TTC39C: variants seen among roughly 807,000 people sequenced by gnomAD.
TTC39C encodes tetratricopeptide repeat domain 39C, also known as tetratricopeptide repeat protein 39C.
A neutral mutation model predicts 76.3 loss-of-function variants in TTC39C; 33 were observed. The observed-to-expected ratio is 0.43, with a 90% confidence interval of 0.33 to 0.58. TTC39C has a LOEUF of 0.58. Among genes scored for constraint, TTC39C ranks in the 20% least tolerant of loss-of-function variants. TTC39C has a pLI of 0.04. For synonymous variants in TTC39C, 254 were observed against 260.6 expected, an observed-to-expected ratio of 0.97 and a Z score of 0.24; for missense variants, 595 against 701.4, an observed-to-expected ratio of 0.85 and a Z score of 1.71.
chr18:24,119,220 A>G (rs1599344409), intron 8 of TTC39C, among the ~76,000 whole-genome samples: 1 of 152,212 alleles, frequency 6.6e-6, no homozygotes, highest in African/African-American at 2.4e-5. Context: ...CTAAAAGGCC[A>G]CGTGATTCAG....
chr18:24,026,209 T>A (rs1383934023), intron 1 of TTC39C, among the ~76,000 whole-genome samples: 1 of 152,218 alleles, frequency 6.6e-6, no homozygotes, highest in East Asian at 1.9e-4. Flanking sequence ...CCTGTCCTGT[T>A]CCCACCCAAC....
intron 1 of TTC39C, among the ~76,000 whole-genome samples, chr18:24,000,794 C>T (rs1282993577): frequency 6.6e-6 from 1 of 152,152 alleles, no homozygotes; most frequent in Non-Finnish European, 1.5e-5. Flanking sequence ...AAACCAGGGA[C>T]CCCACATTTT....
At chr18:24,092,123 A>AAATAATAATAAT (rs1555775345) in intron 6 of TTC39C, among the ~76,000 whole-genome samples, 844 of 50,406 alleles carry the variant, frequency 0.017, 12 homozygotes, top group Non-Finnish European at 0.027. Context: ...AAAAAAAAAA[A>AAATAATAATAAT]AATAATAATA....
At chr18:24,077,650 AAC>A (rs2084323733) in intron 4 of TTC39C, among the ~76,000 whole-genome samples, 2 of 152,242 alleles carry the variant, frequency 1.3e-5, no homozygotes, top group South Asian at 2.1e-4. Flanking sequence ...ACATAATAGA[AAC>A]AGTCAATAGC....
At chr18:24,131,803 A>C in intron 12 of TTC39C, 79 bp from the exon 13 acceptor site, 1 of 1,217,648 alleles carries the variant, frequency 8.2e-7, no homozygotes, top group Non-Finnish European at 1.2e-6. Flanking sequence ...GTTTTAATTA[A>C]CATAGCCTCC....
chr18:24,086,832 C>T (rs79220683), intron 6 of TTC39C, among the ~76,000 whole-genome samples: 2,915 of 152,178 alleles, frequency 0.019, 78 homozygotes, highest in East Asian at 0.061. Flanking sequence ...ATGTGGCAAA[C>T]GCTGTCTAAG....
chr18:24,112,473 C>T (rs1296258009), intron 6 of TTC39C, among the ~76,000 whole-genome samples: 1 of 152,222 alleles, frequency 6.6e-6, no homozygotes, highest in Non-Finnish European at 1.5e-5. Context: ...TACATACCTA[C>T]CTCAGAGAGT....
chr18:24,089,051 GCCCATCAGTT>G (rs1397026919), intron 6 of TTC39C, among the ~76,000 whole-genome samples: 1 of 152,160 alleles, frequency 6.6e-6, no homozygotes, highest in African/African-American at 2.4e-5. Flanking sequence ...TGATTCTTCA[GCCCATCAGTT>G]CATCATTGTG....
At chr18:23,998,078 T>A (rs2083283618) in intron 1 of TTC39C, among the ~76,000 whole-genome samples, 2 of 152,140 alleles carry the variant, frequency 1.3e-5, no homozygotes, top group Non-Finnish European at 2.9e-5. Context: ...GTATGAGCAC[T>A]AATTAGTGCT....
chr18:24,053,422 T>C (rs2083977721), intron 1 of TTC39C, among the ~76,000 whole-genome samples: 1 of 152,190 alleles, frequency 6.6e-6, no homozygotes, highest in African/African-American at 2.4e-5. Flanking sequence ...AGTCTTTCTC[T>C]TTAGTTGGTG....
At chr18:24,023,419 C>T (rs1385928834) in intron 1 of TTC39C, among the ~76,000 whole-genome samples, 1 of 152,192 alleles carries the variant, frequency 6.6e-6, no homozygotes, top group African/African-American at 2.4e-5. Context: ...GAAAGCTGGG[C>T]CCTAATGACA....
At chr18:24,067,439 A>G (rs2084180058) in intron 3 of TTC39C, among the ~76,000 whole-genome samples, 2 of 152,144 alleles carry the variant, frequency 1.3e-5, no homozygotes, top group Admixed American at 1.3e-4. Context: ...GTACTGGTCT[A>G]TGGGCTGTTA....
chr18:24,089,298 G>C (rs1568433343), intron 6 of TTC39C, among the ~76,000 whole-genome samples: 2 of 152,160 alleles, frequency 1.3e-5, no homozygotes, highest in Non-Finnish European at 2.9e-5. Context: ...AGCATGCCTT[G>C]TCAGCATGAT....
At chr18:24,020,610 C>T (rs2083507291) in intron 1 of TTC39C, among the ~76,000 whole-genome samples, 1 of 152,216 alleles carries the variant, frequency 6.6e-6, no homozygotes, top group African/African-American at 2.4e-5. Context: ...ACACATCCTC[C>T]CATATACCTG....
chr18:24,080,877 A>G lies in TTC39C; in HGVS notation c.753A>G (p.Leu251=), dbSNP rs377300367. ...TGCTGGGTTTTCCTGGAGACCGCCT[A>G]CAGGGGCTTTCTTCACTGATGTATG... The part of the protein sequence containing the change: ...INLLGFPGDR[L]QGLSSLMYAS... Residue 251 remains leucine, a synonymous_variant, in exon 5 of 14, where the codon CTA becomes CTG. Transcript: ENST00000317571. 13 of 1,614,066 alleles carry G rather than the reference A, an allele frequency of 8.1e-6. No individual in the cohort carries two copies. Among genetic ancestry groups the G allele is most frequent in the East Asian group, 4.5e-5 (2 of 44,900 alleles).
At chr18:24,089,085 A>G (rs2084483628) in intron 6 of TTC39C, among the ~76,000 whole-genome samples, 1 of 152,082 alleles carries the variant, frequency 6.6e-6, no homozygotes, top group African/African-American at 2.4e-5. Context: ...GGGACAGGAG[A>G]GCAGACGTTG....
intron 7 of TTC39C, among the ~76,000 whole-genome samples, chr18:24,117,097 C>T (rs1236591333): frequency 1.3e-5 from 2 of 152,034 alleles, no homozygotes; most frequent in Admixed American, 6.6e-5. Flanking sequence ...GGATTACAGG[C>T]ATAGGATTAG....
intron 8 of TTC39C, among the ~76,000 whole-genome samples, chr18:24,120,836 A>G (rs1437847775): frequency 1.3e-4 from 19 of 151,388 alleles, no homozygotes; most frequent in Non-Finnish European, 1.5e-5. Context: ...AATGTCTTCA[A>G]GGTTCATCCA....
At chr18:24,024,143 G>T (rs71360539) in intron 1 of TTC39C, among the ~76,000 whole-genome samples, 29,545 of 147,380 alleles carry the variant, frequency 0.2, 3,750 homozygotes, top group East Asian at 0.6. Context: ...CTCCCGAGTA[G>T]CTGGGACTAC....
Sources: gnomAD v4.1 joint callset for allele counts (sites outside exome capture counted in the v4.1 genomes callset) on GRCh38, gnomAD v4.1.1 for gene constraint, MANE v1.5 for transcripts, NCBI Gene and HGNC (gene_info 2026-07-23, HGNC 2026-07-21) for gene names.